Variants in TCFL5 observed in about 807,000 individuals in gnomAD.
The protein encoded by TCFL5 is transcription factor-like 5 protein.
A neutral mutation model predicts 44.3 loss-of-function variants in TCFL5; 9 were observed. That is an observed-to-expected ratio of 0.20 (90% CI 0.12 to 0.35). TCFL5 has a LOEUF of 0.35. TCFL5 is among the 10% of genes least tolerant of loss of function. The pLI is 1.00. For missense variants in TCFL5, 603 were observed against 613.4 expected (o/e 0.98, Z 0.18); for synonymous variants, 319 against 271.6 (o/e 1.17, Z -1.72).
At chr20:62,853,882 G>C (rs1396099521) in intron 5 of TCFL5, 134 bp downstream of exon 5, 15 of 905,162 alleles carry the variant, frequency 1.7e-5, no homozygotes, top group Middle Eastern at 3.4e-4. Flanking sequence ...GCAGAGCTTT[G>C]CTCATACTGG....
chr20:62,857,991 G>GA (rs547445368), intron 3 of TCFL5, among the ~76,000 whole-genome samples: 2,799 of 133,688 alleles, frequency 0.021, 96 homozygotes, highest in African/African-American at 0.07. Flanking sequence ...GGTCAGAATG[G>GA]AAAAAAAAAA....
At chr20:62,856,428 G>A (rs1460427853) in intron 4 of TCFL5, among the ~76,000 whole-genome samples, 1 of 151,814 alleles carries the variant, frequency 6.6e-6, no homozygotes, top group Non-Finnish European at 1.5e-5. Context: ...GCAATAGCCA[G>A]GAGCGGTGGC....
chr20:62,857,725 G>C, intron 3 of TCFL5, 87 bp from the exon 4 acceptor site: 2 of 1,473,512 alleles, frequency 1.4e-6, no homozygotes. Flanking sequence ...TTCAATCCAA[G>C]ATATAAACAT....
chr20:62,853,166 A>G (rs35484883), intron 5 of TCFL5, among the ~76,000 whole-genome samples: 44,015 of 134,224 alleles, frequency 0.33, 9,653 homozygotes, highest in African/African-American at 0.58. Flanking sequence ...CCAGTCCACA[A>G]AAGTATAGTC....
At position 62,845,588 on chromosome 20, in the gene TCFL5, G is replaced by A. The variant is rs556731133; in HGVS notation, c.1381-3491C>T. 45 of 1,540,586 alleles carry A rather than the reference G, an allele frequency of 2.9e-5. No individual in the cohort carries two copies. In the East Asian group the frequency reaches 8.2e-4, roughly 28 times the overall value. ...TTAAATGAAAGTCAGAGCCTGGGCC[G>A]GCTCCGGAGAAGTTAGACCCTCGGA... On this transcript the variant is annotated intron_variant, in intron 5 of 5. Coordinates refer to ENST00000335351, the MANE Select transcript of TCFL5 (RefSeq NM_006602.4).
intron 2 of TCFL5, 45 bp from the exon 3 acceptor site, chr20:62,859,571 A>C: frequency 6.4e-7 from 1 of 1,566,754 alleles, no homozygotes; most frequent in Non-Finnish European, 8.7e-7. Context: ...TATGTGGCTT[A>C]CTCTCCTCTT....
chr20:62,842,234 T>C lies in TCFL5; in HGVS notation c.1381-137A>G. On this transcript the variant is annotated intron_variant, in intron 5 of 5. Transcript: ENST00000335351. The surrounding 1 kb of genome is among the most constrained non-coding windows in gnomAD (Gnocchi z 4.3). The stretch of plus-strand genomic sequence containing the variant: ...CTGTTTTAAGGTGTCATTCACAAAC[T>C]TGTGTCTTACCTCACAAGGGGATTT... 1 of 1,142,530 alleles carries C rather than the reference T, an allele frequency of 8.8e-7. No individual in the cohort carries two copies. Among genetic ancestry groups the C allele is most frequent in the Non-Finnish European group, 1.2e-6 (1 of 817,000 alleles). 70.8% of individuals were successfully genotyped at this position (1,142,530 alleles called of 1,614,324 possible). A position where few individuals can be genotyped will look rare whatever the true frequency, so the allele number is the denominator to read the frequency against.
At chr20:62,843,384 T>C (rs1405586361) in intron 5 of TCFL5, among the ~76,000 whole-genome samples, 1 of 152,102 alleles carries the variant, frequency 6.6e-6, no homozygotes, top group Non-Finnish European at 1.5e-5. Context: ...TCGGAAGATA[T>C]ATTTATGAAT....
chr20:62,848,500 A>C (rs980028208), intron 5 of TCFL5, among the ~76,000 whole-genome samples: 3 of 152,062 alleles, frequency 2.0e-5, no homozygotes, highest in Admixed American at 6.6e-5. Flanking sequence ...CAGCACTTTC[A>C]GAGGCCGAGG....
intron 5 of TCFL5, chr20:62,845,198 T>C (rs992202543): frequency 2.1e-6 from 2 of 946,758 alleles, no homozygotes; most frequent in Non-Finnish European, 2.5e-6. Flanking sequence ...CTCAGCTCAC[T>C]GCAACCTTTG....
chr20:62,847,577 T>C (rs1040150540), intron 5 of TCFL5, among the ~76,000 whole-genome samples: 9 of 152,222 alleles, frequency 5.9e-5, no homozygotes, highest in African/African-American at 2.2e-4. Flanking sequence ...ACAAAAAGAA[T>C]GGCTTTTCTT....
rs562836159 is a variant in TCFL5 at position 62,841,237 on chromosome 20, C to T, written c.*738G>A. The stretch of plus-strand genomic sequence containing the variant: ...ATTTATTGAGGGTGACTTTGTATTG[C>T]ACTAACGTCTATTGCTATTACCTGT... On this transcript the variant is annotated 3_prime_UTR_variant, in exon 6 of 6. Transcript: ENST00000335351. 3.1e-5 allele frequency: 5 copies of T among 162,894 alleles called. No individual in the cohort carries two copies. In the East Asian group the frequency reaches 7.1e-4, roughly 23 times the overall value. The allele number at this position is 162,894 out of a possible 1,614,324, so 10.1% of individuals were successfully genotyped here.
chr20:62,852,815 C>T (rs1207602151), intron 5 of TCFL5: 36 of 1,289,466 alleles, frequency 2.8e-5, no homozygotes, highest in Non-Finnish European at 3.2e-5. Flanking sequence ...GTATATTCAC[C>T]GAGTCCACAA....
chr20:62,858,002 AC>A (rs2063921736), intron 3 of TCFL5, among the ~76,000 whole-genome samples: 1 of 151,422 alleles, frequency 6.6e-6, no homozygotes. Flanking sequence ...AAAAAAAAAA[AC>A]AACAACAACA....
At chr20:62,848,902 C>G (rs2063776168) in intron 5 of TCFL5, among the ~76,000 whole-genome samples, 2 of 151,762 alleles carry the variant, frequency 1.3e-5, no homozygotes, top group African/African-American at 2.4e-5. Flanking sequence ...GGTGTGGTGG[C>G]TCAATGGTAA....
intron 3 of TCFL5, among the ~76,000 whole-genome samples, chr20:62,858,123 T>A (rs2063923963): frequency 6.6e-6 from 1 of 152,100 alleles, no homozygotes; most frequent in Admixed American, 6.5e-5. Flanking sequence ...ACTGCAATGC[T>A]CAGAACAAAA....
chr20:62,861,550 T>C lies in TCFL5; in HGVS notation c.121A>G (p.Thr41Ala). ...ATCTCCACCAGGCTCAGGTCGGTGG[T>C]CGTGAAGCTCAGCCCCGGCTCGCCC... ...ALGEPGLSFT[T>A]TDLSLVEMTE... Residue 41 changes from threonine to alanine, a missense_variant, in exon 1 of 6, where the codon ACC (threonine) becomes GCC (alanine). Physicochemically the swap from Thr to Ala is moderately conservative, Grantham distance 58. Transcript: ENST00000335351. The surrounding 1 kb of genome is among the most constrained non-coding windows in gnomAD (Gnocchi z 4.0). The C allele has an allele frequency of 8.7e-7, 1 of 1,145,704 alleles. No homozygotes were observed. Among genetic ancestry groups the C allele is most frequent in the Non-Finnish European group, 1.1e-6 (1 of 919,688 alleles). 71.0% of individuals were successfully genotyped at this position (1,145,704 alleles called of 1,614,324 possible).
At chr20:62,859,780 T>C (rs2063960727) in intron 2 of TCFL5, among the ~76,000 whole-genome samples, 1 of 150,246 alleles carries the variant, frequency 6.7e-6, no homozygotes, top group South Asian at 2.1e-4. Context: ...GAGTGCAGGG[T>C]CGCGATGTCA....
At chr20:62,845,053 G>T in intron 5 of TCFL5, 1 of 985,928 alleles carries the variant, frequency 1.0e-6, no homozygotes, top group Non-Finnish European at 1.2e-6. Context: ...AACCAAGCAA[G>T]CTGCCATTTC....
Sources: gnomAD v4.1 joint callset for allele counts (sites outside exome capture counted in the v4.1 genomes callset) on GRCh38, gnomAD v4.1.1 for gene constraint, Gnocchi (gnomAD v3.1) non-coding constraint, MANE v1.5 for transcripts, NCBI Gene and HGNC (gene_info 2026-07-23, HGNC 2026-07-21) for gene names.